PGM5: variants seen among roughly 807,000 people sequenced by gnomAD.
PGM5 encodes the protein phosphoglucomutase 5.
A neutral mutation model predicts 59.2 loss-of-function variants in PGM5; 23 were observed. The observed-to-expected ratio is 0.39, with a 90% CI of 0.28 to 0.55. The LOEUF is 0.55. Among genes scored for constraint, PGM5 ranks in the 20% least tolerant of loss-of-function variants. The pLI, the probability that PGM5 is intolerant of heterozygous loss-of-function variation, is 0.66. For synonymous variants in PGM5, 214 were observed against 286.0 expected (o/e 0.75, Z 2.54); for missense variants, 574 against 748.3 (o/e 0.77, Z 2.72).
chr9:68,526,803 T>C (rs1410253362), intron 10 of PGM5, among the ~76,000 whole-genome samples: 1 of 152,234 alleles, frequency 6.6e-6, no homozygotes, highest in Non-Finnish European at 1.5e-5. Flanking sequence ...ATCACCATTA[T>C]CTGTTCTTTC....
At chr9:68,362,310 TTG>T (rs1554676331) in intron 1 of PGM5, among the ~76,000 whole-genome samples, 2 of 152,236 alleles carry the variant, frequency 1.3e-5, no homozygotes, top group Non-Finnish European at 2.9e-5. Context: ...GAATTTTGTT[TTG>T]TCTCACTTTT....
Position 68,530,486 on chromosome 9 carries a change from A to G in PGM5, c.*830A>G, listed in dbSNP as rs1825062907. The G allele has an allele frequency of 6.6e-6, 1 of 152,208 alleles. No homozygotes were observed. The highest frequency in any genetic ancestry group is 1.5e-5 in the Non-Finnish European group (1 of 68,048). 9.4% of individuals were successfully genotyped at this position (152,208 alleles called of 1,614,324 possible). A position where few individuals can be genotyped will look rare whatever the true frequency, so the allele number is the denominator to read the frequency against. ...ATCAAGTATGTTGGTACATGGGTTTATACAAGTTCCTCTTGAGAAGGCAAA... is the reference window on the plus strand; with the variant it reads ...ATCAAGTATGTTGGTACATGGGTTTGTACAAGTTCCTCTTGAGAAGGCAAA... On this transcript the variant is annotated 3_prime_UTR_variant, in exon 11 of 11. Transcript: ENST00000396396.
chr9:68,376,941 C>T (rs1554677831), intron 1 of PGM5, among the ~76,000 whole-genome samples: 4 of 148,440 alleles, frequency 2.7e-5, no homozygotes, highest in African/African-American at 1.0e-4. Flanking sequence ...TTCTTTCTTT[C>T]CCTCAGACAG....
intron 6 of PGM5, among the ~76,000 whole-genome samples, chr9:68,410,799 G>GTAACAAAAACTGAATTCCAAA (rs1191714602): frequency 5.3e-5 from 8 of 152,128 alleles, no homozygotes; most frequent in African/African-American, 1.7e-4. Flanking sequence ...TCTGTTGCAA[G>GTAACAAAAACTGAATTCCAAA]TAACAAAAAC....
chr9:68,512,756 C>A (rs782755969), intron 10 of PGM5, among the ~76,000 whole-genome samples: 1 of 152,262 alleles, frequency 6.6e-6, no homozygotes, highest in South Asian at 2.1e-4. Flanking sequence ...AGGACCTCAA[C>A]GTATGCACTT....
chr9:68,479,328 A>G (rs1824152906), intron 7 of PGM5, 90 bp from the exon 8 acceptor site: 2 of 1,199,372 alleles, frequency 1.7e-6, no homozygotes, highest in East Asian at 2.4e-5. Context: ...TCTACATAAC[A>G]TTCAATCACT....
rs375622767 is a variant in PGM5, at chr9:68,391,724, G to C, written c.888G>C (p.Gly296=). 106 of 1,612,676 alleles carry C rather than the reference G, an allele frequency of 6.6e-5. 1 individual carries two copies. The highest frequency in any genetic ancestry group is 8.0e-5 in the Non-Finnish European group (94 of 1,179,170). The part of the protein sequence containing the change: ...YGFGAAFDAD[G]DRYMILGQNG... ...TTGGAGCTGCATTTGATGCTGATGGGGTAAGTAGGAAAGCTGTCTGTCTGC... is the reference window on the plus strand; with the variant it reads ...TTGGAGCTGCATTTGATGCTGATGGCGTAAGTAGGAAAGCTGTCTGTCTGC... Residue 296 remains glycine (G), a splice_region_variant and synonymous_variant, in exon 5 of 11, where the codon GGG becomes GGC. Transcript: ENST00000396396.
intron 10 of PGM5, among the ~76,000 whole-genome samples, chr9:68,528,603 C>G (rs867113531): frequency 1.3e-5 from 2 of 151,810 alleles, no homozygotes; most frequent in Non-Finnish European, 2.9e-5. Context: ...TAAAAGTACT[C>G]TACATGGAAA....
In PGM5 at chr9:68,376,839, C is replaced by CT. The variant is rs1554677789; in HGVS notation, c.262-1357dup. Among the ~76,000 whole-genome samples, 537 of 131,792 alleles carry CT rather than the reference C, an allele frequency of 4.1e-3. 10 individuals are homozygous for CT. The highest frequency in any genetic ancestry group is 5.5e-3 in the African/African-American group (189 of 34,392). 86.5% of individuals were successfully genotyped at this position (131,792 alleles called of 152,430 possible). On this transcript the variant is annotated intron_variant, in intron 1 of 10. Coordinates refer to ENST00000396396, the MANE Select transcript of PGM5 (RefSeq NM_021965.4). ...TTTCTTTCTTTCTTTCTTTCTCTTT[C>CT]TTTCTTTCTTTCTCTTTCTTTCTTT...
chr9:68,513,709 T>C (rs1237603856), intron 10 of PGM5, among the ~76,000 whole-genome samples: 1 of 152,204 alleles, frequency 6.6e-6, no homozygotes, highest in Non-Finnish European at 1.5e-5. Context: ...ATTCTGTTGT[T>C]TTTATTCTTT....
At chr9:68,515,256 T>G (rs1262041294) in intron 10 of PGM5, among the ~76,000 whole-genome samples, 1 of 152,264 alleles carries the variant, frequency 6.6e-6, no homozygotes, top group African/African-American at 2.4e-5. Flanking sequence ...TCCATTAATT[T>G]CACTAATAGT....
intron 9 of PGM5, among the ~76,000 whole-genome samples, chr9:68,496,448 T>C (rs1238343629): frequency 6.6e-6 from 1 of 152,244 alleles, no homozygotes; most frequent in African/African-American, 2.4e-5. Context: ...ATGATGTTCC[T>C]CACCTGGAAT....
intron 7 of PGM5, chr9:68,466,669 C>G (rs1401815850): frequency 1.3e-5 from 2 of 152,978 alleles, no homozygotes; most frequent in African/African-American, 2.4e-5. Context: ...TTGGGTTTTA[C>G]TGTTTCTGTT....
At chr9:68,434,316 CAAAAAAAAAAAAAAAAAAAAAA>C (rs71353054) in intron 6 of PGM5, among the ~76,000 whole-genome samples, 8,174 of 91,356 alleles carry the variant, frequency 0.089, 640 homozygotes, top group African/African-American at 0.26. Context: ...GACTCCGTCT[CAAAAAAAAAAAAAAAAAAAAAA>C]AGAAAAAGAA....
intron 10 of PGM5, among the ~76,000 whole-genome samples, chr9:68,521,797 G>C (rs933370391): frequency 3.3e-5 from 5 of 152,194 alleles, no homozygotes; most frequent in African/African-American, 9.7e-5. Context: ...AATTTAAACT[G>C]ACAACTCTTG....
rs75230524 is a variant in PGM5 at position 68,526,323 on chromosome 9, C to T, written c.1615-3244C>T. The stretch of plus-strand genomic sequence containing the variant: ...GTGCCGGATTAGCCCAGGCTCTTGG[C>T]TCAGGATGGGAGTCCTCATATTTAG... On this transcript the variant is annotated intron_variant, in intron 10 of 10. Transcript: ENST00000396396. Among the ~76,000 whole-genome samples the T allele has an allele frequency of 8.5e-4, 130 of 152,316 alleles. No homozygotes were observed. The East Asian group carries it at 0.019, about 22-fold the overall frequency.
chr9:68,529,762 A>C lies in PGM5; in HGVS notation c.*106A>C, dbSNP rs1452591750. On this transcript the variant is annotated 3_prime_UTR_variant, in exon 11 of 11. Transcript: ENST00000396396. ...GTGCCTCTTATGACTTTGGAAAAAC[A>C]AAAGATATTTTGCTTTTGGGGGATA... 7 of 653,320 alleles carry C rather than the reference A, an allele frequency of 1.1e-5. No individual in the cohort carries two copies. The highest frequency in any genetic ancestry group is 1.3e-5 in the Non-Finnish European group (5 of 394,480). The allele number at this position is 653,320 out of a possible 1,614,324, so 40.5% of individuals were successfully genotyped here. A position where few individuals can be genotyped will look rare whatever the true frequency, so the allele number is the denominator to read the frequency against.
At chr9:68,456,497 T>G (rs1823779617) in intron 6 of PGM5, among the ~76,000 whole-genome samples, 1 of 151,018 alleles carries the variant, frequency 6.6e-6, no homozygotes, top group Non-Finnish European at 1.5e-5. Context: ...TTTTTTGTAT[T>G]TTTAGTAGAG....
At chr9:68,377,045 G>A (rs1391362714) in intron 1 of PGM5, among the ~76,000 whole-genome samples, 6 of 151,698 alleles carry the variant, frequency 4.0e-5, no homozygotes, top group African/African-American at 1.5e-4. Context: ...TCCCACCTCA[G>A]CCCCCGGAGT....
Sources: allele counts gnomAD v4.1 joint callset (sites outside exome capture counted in the v4.1 genomes callset), GRCh38; gene constraint gnomAD v4.1.1; transcripts MANE v1.5; gene names NCBI Gene and HGNC (gene_info 2026-07-23, HGNC 2026-07-21).